The following TENM3 variants were observed in gnomAD, a reference collection of about 807,000 sequenced individuals.
TENM3 encodes teneurin transmembrane protein 3, also known as teneurin-3.
TENM3 carries 63 observed loss-of-function variants against 255.1 expected under a neutral mutation model. That is an observed-to-expected ratio of 0.25 (90% confidence interval 0.20 to 0.30). The LOEUF is 0.30. Ranked by LOEUF, TENM3 falls within the 10% of genes least tolerant of loss-of-function variation. The pLI is 1.00. For synonymous variants in TENM3, 1,306 were observed against 1,322.3 expected (o/e 0.99, Z 0.27); for missense variants, 2,929 against 3,461.1 (o/e 0.85, Z 3.86).
chr4:182,717,010 A>G (rs1029761111), intron 13 of TENM3, among the ~76,000 whole-genome samples: 2 of 152,204 alleles, frequency 1.3e-5, no homozygotes, highest in African/African-American at 2.4e-5. Flanking sequence ...TGTAGAACAC[A>G]GTGTTTGTAA....
chr4:181,777,375 A>G, the TENM3 span, among the ~76,000 whole-genome samples: 13 of 152,040 alleles, frequency 8.6e-5, no homozygotes, highest in Admixed American at 7.2e-4. Context: ...TTTGCTCAGG[A>G]TTACTTTGGC....
chr4:181,620,598 G>T, the TENM3 span, among the ~76,000 whole-genome samples: 3 of 150,518 alleles, frequency 2.0e-5, no homozygotes, highest in Admixed American at 6.6e-5. Flanking sequence ...TGTTTTCCAG[G>T]AATAGACTCC....
the TENM3 span, among the ~76,000 whole-genome samples, chr4:181,634,888 GA>G: frequency 2.6e-5 from 4 of 152,004 alleles, no homozygotes; most frequent in East Asian, 7.7e-4. Flanking sequence ...GTATTATTTT[GA>G]AGTAAGCATC....
intron 3 of TENM3, among the ~76,000 whole-genome samples, chr4:182,489,041 T>C (rs1359495096): frequency 2.6e-5 from 4 of 152,198 alleles, no homozygotes; most frequent in African/African-American, 9.7e-5. Context: ...AATGATTTTA[T>C]TACTTTCTTG....
chr4:182,688,980 A>G (rs1012386558), intron 12 of TENM3, among the ~76,000 whole-genome samples: 1 of 152,244 alleles, frequency 6.6e-6, no homozygotes, highest in Non-Finnish European at 1.5e-5. Flanking sequence ...TAGATGTTTC[A>G]GATCAAAACA....
At chr4:181,627,221 G>C in the TENM3 span, among the ~76,000 whole-genome samples, 1 of 152,110 alleles carries the variant, frequency 6.6e-6, no homozygotes, top group Non-Finnish European at 1.5e-5. Flanking sequence ...TATTAGACCT[G>C]CTATACACAG....
At chr4:182,731,517 GACAAAA>G (rs1760703862) in intron 16 of TENM3, among the ~76,000 whole-genome samples, 1 of 151,046 alleles carries the variant, frequency 6.6e-6, no homozygotes, top group African/African-American at 2.4e-5. Context: ...CTCAAAAAAA[GACAAAA>G]ACAAAACCAA....
At chr4:182,184,988 CAGG>C (rs1561176889) in intron 1 of TENM3, among the ~76,000 whole-genome samples, 1 of 151,904 alleles carries the variant, frequency 6.6e-6, no homozygotes, top group Non-Finnish European at 1.5e-5. Context: ...GAGGCTGAGG[CAGG>C]AGAATTGCTT....
At chr4:182,090,442 A>T in the TENM3 span, among the ~76,000 whole-genome samples, 1 of 152,174 alleles carries the variant, frequency 6.6e-6, no homozygotes, top group Non-Finnish European at 1.5e-5. Flanking sequence ...CTGAATAAAG[A>T]TCCCTGGCTA....
the TENM3 span, among the ~76,000 whole-genome samples, chr4:181,579,602 T>A: frequency 6.6e-6 from 1 of 152,328 alleles, no homozygotes; most frequent in Non-Finnish European, 1.5e-5. Flanking sequence ...TATACCAAAT[T>A]GGTCACTTTG....
At chr4:182,667,295 A>T (rs1166099176) in intron 6 of TENM3, among the ~76,000 whole-genome samples, 2 of 151,992 alleles carry the variant, frequency 1.3e-5, no homozygotes, top group African/African-American at 2.4e-5. Context: ...GGTTCAAGTG[A>T]TTCTCCTGCC....
chr4:181,916,481 G>A, the TENM3 span, among the ~76,000 whole-genome samples: 2 of 152,102 alleles, frequency 1.3e-5, no homozygotes, highest in Admixed American at 6.5e-5. Context: ...TTGATGTAAG[G>A]CCCTGAGATG....
the TENM3 span, among the ~76,000 whole-genome samples, chr4:182,135,198 C>T: frequency 5.5e-5 from 5 of 91,220 alleles, no homozygotes; most frequent in South Asian, 1.4e-3. Context: ...GGGTGAGACT[C>T]GGTCTCAAAA....
At position 182,729,872 on chromosome 4, in the gene TENM3, A is replaced by C. The variant is rs567604452; in HGVS notation, c.2586-328A>C. Among the ~76,000 whole-genome samples, 20 of 152,306 alleles carry C rather than the reference A, an allele frequency of 1.3e-4. No homozygotes were observed. The East Asian group carries it at 3.5e-3, about 26-fold the overall frequency. ...TTAATTGGAAAGTCTACTTTTCTTC[A>C]TGTGAGCACCATATATATGACTTAT... is the stretch of plus-strand genomic sequence containing the variant. On this transcript the variant is annotated intron_variant, in intron 14 of 27. Coordinates refer to ENST00000511685, the MANE Select transcript of TENM3 (RefSeq NM_001080477.4).
At chr4:182,095,941 G>C in the TENM3 span, among the ~76,000 whole-genome samples, 1 of 151,848 alleles carries the variant, frequency 6.6e-6, no homozygotes, top group Non-Finnish European at 1.5e-5. Flanking sequence ...GCTAATATGA[G>C]TTTCTGAATA....
chr4:181,722,090 A>C, the TENM3 span, among the ~76,000 whole-genome samples: 1 of 152,226 alleles, frequency 6.6e-6, no homozygotes, highest in African/African-American at 2.4e-5. Context: ...AACTGAGATG[A>C]AAAAGAAGAT....
chr4:181,554,946 G>C, the TENM3 span, among the ~76,000 whole-genome samples: 3 of 152,094 alleles, frequency 2.0e-5, no homozygotes, highest in African/African-American at 7.2e-5. Context: ...CTTTGAATGC[G>C]TCTCTGCACT....
chr4:182,557,001 A>C (rs1353024728), intron 3 of TENM3, among the ~76,000 whole-genome samples: 1 of 152,200 alleles, frequency 6.6e-6, no homozygotes, highest in East Asian at 1.9e-4. Context: ...AAAATCATAC[A>C]TCTAATGTGT....
chr4:182,186,801 A>ATATG (rs1753190913), intron 1 of TENM3, among the ~76,000 whole-genome samples: 1 of 82,554 alleles, frequency 1.2e-5, no homozygotes, highest in Non-Finnish European at 2.3e-5. Context: ...ATATATATAT[A>ATATG]TATATATATA....
Sources: allele counts gnomAD v4.1 joint callset (sites outside exome capture counted in the v4.1 genomes callset), GRCh38; gene constraint gnomAD v4.1.1; transcripts MANE v1.5; gene names NCBI Gene and HGNC (gene_info 2026-07-23, HGNC 2026-07-21).